Variants in LUZP2 observed in about 807,000 individuals in gnomAD.
The protein encoded by LUZP2 is leucine zipper protein 2.
A neutral mutation model predicts 51.6 loss-of-function variants in LUZP2; 52 were observed. The ratio of observed to expected loss-of-function variants is 1.01; its 90% CI spans 0.81 to 1.27. The LOEUF (loss-of-function observed/expected upper bound fraction) is 1.27. LUZP2 is among the 50% of genes most tolerant of loss of function. The pLI is 0.00. For synonymous variants in LUZP2, 154 were observed against 137.3 expected (o/e 1.12, Z -0.85); for missense variants, 436 against 395.4 (o/e 1.10, Z -0.87).
intron 7 of LUZP2, among the ~76,000 whole-genome samples, chr11:24,935,159 T>C (rs1013055575): frequency 1.3e-5 from 2 of 152,178 alleles, no homozygotes; most frequent in Non-Finnish European, 2.9e-5. Context: ...CATATTCTTT[T>C]CTTGTGCATC....
rs1851724427 is a variant in LUZP2, at chr11:24,860,996, A to C, written c.397-44995A>C. On this transcript the variant is annotated intron_variant, in intron 5 of 11. Coordinates refer to ENST00000336930, the MANE Select transcript of LUZP2 (RefSeq NM_001009909.4). ...CAGAAGTAGGCTTCAGAAGATGGTA[A>C]CAAAGAACTATGCTGAGCTGAAGGA... Among the ~76,000 whole-genome samples the C allele has an allele frequency of 2.0e-5, 3 of 152,200 alleles. No homozygotes were observed. In the South Asian group the frequency reaches 6.2e-4, roughly 32 times the overall value.
chr11:24,530,697 A>T (rs563083181), intron 1 of LUZP2, among the ~76,000 whole-genome samples: 63 of 130,714 alleles, frequency 4.8e-4, no homozygotes, highest in African/African-American at 1.4e-3. Context: ...TTTTATTTTC[A>T]TTTTTTGATC....
intron 5 of LUZP2, among the ~76,000 whole-genome samples, chr11:24,837,919 A>G (rs974074335): frequency 2.0e-5 from 3 of 151,704 alleles, no homozygotes; most frequent in African/African-American, 7.2e-5. Context: ...TCTCCCAGAT[A>G]AACAAACTAG....
chr11:24,896,365 G>A (rs1375320854), intron 5 of LUZP2, among the ~76,000 whole-genome samples: 5 of 152,158 alleles, frequency 3.3e-5, no homozygotes, highest in South Asian at 2.1e-4. Context: ...GGGCCTCAGC[G>A]GTCCCCACAC....
chr11:24,536,848 CT>C (rs1177942634), intron 1 of LUZP2, among the ~76,000 whole-genome samples: 1 of 151,824 alleles, frequency 6.6e-6, no homozygotes, highest in Admixed American at 6.6e-5. Context: ...ACTAAGCTTG[CT>C]TATTTTTAAG....
intron 5 of LUZP2, among the ~76,000 whole-genome samples, chr11:24,904,157 A>G (rs1209352765): frequency 1.3e-5 from 2 of 152,170 alleles, no homozygotes; most frequent in Admixed American, 6.5e-5. Context: ...GCCTTTTGAT[A>G]ATAACCATCC....
At chr11:24,598,354 GA>G (rs1356360936) in intron 1 of LUZP2, among the ~76,000 whole-genome samples, 1 of 151,938 alleles carries the variant, frequency 6.6e-6, no homozygotes, top group Non-Finnish European at 1.5e-5. Context: ...AGAAAAATAA[GA>G]GCCTTATTTT....
intron 5 of LUZP2, among the ~76,000 whole-genome samples, chr11:24,821,424 A>G (rs1850352825): frequency 6.6e-6 from 1 of 152,120 alleles, no homozygotes; most frequent in African/African-American, 2.4e-5. Flanking sequence ...TCTAAACATT[A>G]ACACCTTATT....
At chr11:24,689,638 T>C (rs1857006424) in intron 1 of LUZP2, among the ~76,000 whole-genome samples, 1 of 152,132 alleles carries the variant, frequency 6.6e-6, no homozygotes, top group Non-Finnish European at 1.5e-5. Flanking sequence ...GGAGGACTCT[T>C]TTGTCTTGCT....
intron 5 of LUZP2, among the ~76,000 whole-genome samples, chr11:24,859,079 G>A (rs1851654766): frequency 6.6e-6 from 1 of 152,104 alleles, no homozygotes; most frequent in Non-Finnish European, 1.5e-5. Context: ...TCATGGCTGA[G>A]GCACTCATAA....
At chr11:25,018,187 C>A (rs12287623) in intron 9 of LUZP2, among the ~76,000 whole-genome samples, 88,564 of 151,596 alleles carry the variant, frequency 0.58, 27,065 homozygotes, top group African/African-American at 0.77. Flanking sequence ...ATTCATTGAT[C>A]AAATCTAGGA....
At chr11:24,848,512 T>G (rs1215376010) in intron 5 of LUZP2, among the ~76,000 whole-genome samples, 1 of 152,192 alleles carries the variant, frequency 6.6e-6, no homozygotes, top group African/African-American at 2.4e-5. Flanking sequence ...GTTTGCTACT[T>G]ACCCTTGAGC....
At chr11:24,871,842 T>A (rs1336020208) in intron 5 of LUZP2, among the ~76,000 whole-genome samples, 1 of 152,128 alleles carries the variant, frequency 6.6e-6, no homozygotes, top group African/African-American at 2.4e-5. Context: ...GAATGAGCTA[T>A]ATGTACAACA....
Position 24,574,791 on chromosome 11 carries a change from G to A in LUZP2, c.62+77486G>A, listed in dbSNP as rs985079545. 3.9e-5 allele frequency among the ~76,000 whole-genome samples: 6 copies of A among 152,060 alleles called. No individual in the cohort carries two copies. In the East Asian group the frequency reaches 7.7e-4, roughly 20 times the overall value. On this transcript the variant is annotated intron_variant, in intron 1 of 11. Coordinates refer to ENST00000336930, the MANE Select transcript of LUZP2 (RefSeq NM_001009909.4). ...TTTCTTGATCACTGCATTTCAAAAC[G>A]ATGGCTTCCAAATTATTTGGTAAAG... is the stretch of plus-strand genomic sequence containing the variant.
rs190232279 is a variant in LUZP2 at position 24,697,003 on chromosome 11, G to A, written c.63-32166G>A. Reference sequence around the variant, plus strand: ...CTTGGGTTTGGTAAAGATTAGCATGGCTAGAGTTACATAAACTAGGAGAAA... The same window carrying A: ...CTTGGGTTTGGTAAAGATTAGCATGACTAGAGTTACATAAACTAGGAGAAA... On this transcript the variant is annotated intron_variant, in intron 1 of 11. Transcript: ENST00000336930. Among the ~76,000 whole-genome samples the A allele has an allele frequency of 3.3e-5, 5 of 152,168 alleles. No individual in the cohort carries two copies. The East Asian group carries it at 7.7e-4, about 24-fold the overall frequency.
At chr11:25,027,997 G>T (rs187337028) in intron 9 of LUZP2, among the ~76,000 whole-genome samples, 1 of 151,886 alleles carries the variant, frequency 6.6e-6, no homozygotes, top group Admixed American at 6.6e-5. Flanking sequence ...TATACTTTCC[G>T]TCTATTGGAA....
intron 1 of LUZP2, among the ~76,000 whole-genome samples, chr11:24,686,871 G>A (rs572279185): frequency 5.3e-5 from 8 of 152,048 alleles, no homozygotes; most frequent in South Asian, 4.2e-4. Flanking sequence ...CTGCTTCCCC[G>A]AGAGTTGCTT....
intron 7 of LUZP2, among the ~76,000 whole-genome samples, chr11:24,975,534 A>G (rs974099651): frequency 7.9e-5 from 12 of 152,098 alleles, no homozygotes; most frequent in Non-Finnish European, 1.2e-4. Flanking sequence ...GATTAATCAA[A>G]GGATGAATGG....
At chr11:24,943,869 C>G (rs146843518) in intron 7 of LUZP2, among the ~76,000 whole-genome samples, 1 of 122,328 alleles carries the variant, frequency 8.2e-6, no homozygotes, top group African/African-American at 3.4e-5. Flanking sequence ...CAGAGGGAGA[C>G]TCCATCTCAA....
Sources: allele counts gnomAD v4.1 joint callset (sites outside exome capture counted in the v4.1 genomes callset), GRCh38; gene constraint gnomAD v4.1.1; transcripts MANE v1.5; gene names NCBI Gene and HGNC (gene_info 2026-07-23, HGNC 2026-07-21).